The following GPBP1 variants were observed in gnomAD, a reference collection of about 807,000 sequenced individuals.
GPBP1 encodes vasculin.
A neutral mutation model predicts 56.5 loss-of-function variants in GPBP1; 13 were observed. The ratio of observed to expected loss-of-function variants is 0.23; its 90% CI spans 0.15 to 0.37. The LOEUF (loss-of-function observed/expected upper bound fraction) is 0.37. Among genes scored for constraint, GPBP1 ranks in the 10% least tolerant of loss-of-function variants. The pLI, the probability that GPBP1 is intolerant of heterozygous loss-of-function variation, is 1.00. For synonymous variants in GPBP1, 204 were observed against 188.9 expected, an observed-to-expected ratio of 1.08 and a Z score of -0.66; for missense variants, 477 against 572.3, an observed-to-expected ratio of 0.83 and a Z score of 1.70.
At chr5:57,194,462 AGT>A (rs1180566288) in intron 2 of GPBP1, among the ~76,000 whole-genome samples, 1 of 152,212 alleles carries the variant, frequency 6.6e-6, no homozygotes, top group Non-Finnish European at 1.5e-5. Flanking sequence ...AAAAGCATAC[AGT>A]GTGTAATGAT....
At chr5:57,191,445 T>G (rs941917438) in intron 2 of GPBP1, among the ~76,000 whole-genome samples, 2 of 151,790 alleles carry the variant, frequency 1.3e-5, no homozygotes, top group Admixed American at 1.3e-4. Context: ...ATTTGTTTAC[T>G]GTGACCCTTG....
intron 2 of GPBP1, among the ~76,000 whole-genome samples, chr5:57,183,272 C>T (rs557615812): frequency 6.6e-6 from 1 of 152,238 alleles, no homozygotes; most frequent in East Asian, 1.9e-4. Flanking sequence ...GAGGCTGAGG[C>T]AGGAGAGTCG....
At chr5:57,187,019 TG>T (rs1754319807) in intron 2 of GPBP1, among the ~76,000 whole-genome samples, 1 of 150,730 alleles carries the variant, frequency 6.6e-6, no homozygotes, top group Non-Finnish European at 1.5e-5. Context: ...TGTGTGTGTG[TG>T]TGTGTGTGTG....
intron 2 of GPBP1, among the ~76,000 whole-genome samples, chr5:57,207,605 T>C (rs1478025946): frequency 1.3e-5 from 2 of 152,234 alleles, no homozygotes; most frequent in Admixed American, 6.5e-5. Flanking sequence ...CCCTGCCTTA[T>C]CGCAAGGACA....
At position 57,230,808 on chromosome 5, in the gene GPBP1, G is replaced by T; in HGVS notation, c.64-38G>T. ...TTACTAGTTTTTAAAGTTATATTTAGGTTTCATAAATACCTGTATTTTTAT... is the reference window on the plus strand; with the variant it reads ...TTACTAGTTTTTAAAGTTATATTTATGTTTCATAAATACCTGTATTTTTAT... On this transcript the variant is annotated intron_variant, in intron 3 of 11. Coordinates refer to ENST00000506184, the MANE Select transcript of GPBP1 (RefSeq NM_022913.4). The T allele has an allele frequency of 3.2e-6, 5 of 1,544,000 alleles. 1 individual carries two copies. In the Middle Eastern group the frequency reaches 8.6e-4, roughly 264 times the overall value.
chr5:57,239,049 A>G lies in GPBP1; in HGVS notation c.478+3017A>G, dbSNP rs545809644. On this transcript the variant is annotated intron_variant, in intron 6 of 11. Coordinates refer to ENST00000506184, the MANE Select transcript of GPBP1 (RefSeq NM_022913.4). Reference sequence around the variant, plus strand: ...ATTAATAGGAACTTTGGTAAACAGAATTAAGGGAAGGGAAAATTCTTCGTT... The same window carrying G: ...ATTAATAGGAACTTTGGTAAACAGAGTTAAGGGAAGGGAAAATTCTTCGTT... 6.0e-4 allele frequency among the ~76,000 whole-genome samples: 91 copies of G among 152,350 alleles called. 3 individuals carry two copies. The South Asian group carries it at 0.018, about 30-fold the overall frequency.
At chr5:57,187,020 GTGTGTGTGTGTGTGTGTGTA>G (rs1561323542) in intron 2 of GPBP1, among the ~76,000 whole-genome samples, 1 of 150,700 alleles carries the variant, frequency 6.6e-6, no homozygotes, top group African/African-American at 2.5e-5. Context: ...GTGTGTGTGT[GTGTGTGTGTGTGTGTGTGTA>G]TGTATGTTTG....
At chr5:57,230,686 C>T (rs1756412976) in intron 3 of GPBP1, 160 bp from the exon 4 acceptor site, 1 of 673,890 alleles carries the variant, frequency 1.5e-6, no homozygotes, top group East Asian at 2.8e-5. Context: ...TCGGTGAATC[C>T]ATTATACAGT....
chr5:57,183,106 C>T (rs1003090535), intron 2 of GPBP1, among the ~76,000 whole-genome samples: 3 of 152,174 alleles, frequency 2.0e-5, no homozygotes, highest in Non-Finnish European at 4.4e-5. Flanking sequence ...TGGCTCATGC[C>T]TGTAATCCCA....
At chr5:57,247,745 A>AT (rs1369095965) in intron 8 of GPBP1, among the ~76,000 whole-genome samples, 1 of 149,548 alleles carries the variant, frequency 6.7e-6, no homozygotes, top group Non-Finnish European at 1.5e-5. Flanking sequence ...ACAAAGAATA[A>AT]TTTTTTGGGG....
chr5:57,251,998 A>G (rs2111947731), intron 10 of GPBP1, among the ~76,000 whole-genome samples: 1 of 152,326 alleles, frequency 6.6e-6, no homozygotes, highest in Middle Eastern at 3.4e-3. Flanking sequence ...CTCATTTAAA[A>G]ATTACATTTT....
intron 2 of GPBP1, among the ~76,000 whole-genome samples, chr5:57,195,357 A>G (rs141533126): frequency 3.3e-5 from 5 of 152,010 alleles, no homozygotes; most frequent in East Asian, 1.9e-4. Flanking sequence ...GAGTCTTCCT[A>G]TTTTGCCCAG....
chr5:57,260,052 T>A (rs1741820365), intron 10 of GPBP1, among the ~76,000 whole-genome samples: 1 of 152,226 alleles, frequency 6.6e-6, no homozygotes, highest in East Asian at 1.9e-4. Context: ...TGATCCCACT[T>A]GTTTAAACTT....
chr5:57,217,251 C>G (rs1022356848), intron 3 of GPBP1, among the ~76,000 whole-genome samples: 38 of 151,834 alleles, frequency 2.5e-4, no homozygotes, highest in African/African-American at 9.0e-4. Context: ...ATGGGCCTTC[C>G]CTCCAGCATG....
chr5:57,208,878 C>T (rs922676224), intron 2 of GPBP1, among the ~76,000 whole-genome samples: 11 of 152,014 alleles, frequency 7.2e-5, no homozygotes, highest in African/African-American at 2.7e-4. Context: ...TGGTCTCAAA[C>T]TCTTGACCTC....
chr5:57,197,430 C>G (rs1191612204), intron 2 of GPBP1, among the ~76,000 whole-genome samples: 2 of 141,434 alleles, frequency 1.4e-5, no homozygotes, highest in African/African-American at 5.4e-5. Flanking sequence ...GCGATCTTAG[C>G]TCACTGCAAC....
chr5:57,229,533 C>T (rs1252181579), intron 3 of GPBP1, among the ~76,000 whole-genome samples: 1 of 151,530 alleles, frequency 6.6e-6, no homozygotes, highest in Admixed American at 6.6e-5. Context: ...CTTTCCCTTT[C>T]CTTTTCTTTT....
At chr5:57,255,311 T>G (rs1047566639) in intron 10 of GPBP1, among the ~76,000 whole-genome samples, 3 of 152,248 alleles carry the variant, frequency 2.0e-5, no homozygotes, top group Non-Finnish European at 2.9e-5. Context: ...CTTGTATTTA[T>G]ATTCTTGAAT....
At chr5:57,250,918 C>CA (rs1668471578) in intron 9 of GPBP1, 36 bp from the exon 10 acceptor site, 1 of 1,287,814 alleles carries the variant, frequency 7.8e-7, no homozygotes, top group African/African-American at 1.7e-5. Flanking sequence ...CTGTAGAACT[C>CA]ATTCTTTTTT....
Sources: gnomAD v4.1 joint callset for allele counts (sites outside exome capture counted in the v4.1 genomes callset) on GRCh38, gnomAD v4.1.1 for gene constraint, MANE v1.5 for transcripts, NCBI Gene and HGNC (gene_info 2026-07-23, HGNC 2026-07-21) for gene names.